SUPT3H: variants seen among roughly 807,000 people sequenced by gnomAD.
SUPT3H encodes transcription initiation protein SPT3 homolog.
In SUPT3H, 44 loss-of-function variants were observed where a neutral mutation model predicts 44.3. The ratio of observed to expected loss-of-function variants is 0.99; its 90% CI spans 0.78 to 1.28. SUPT3H has a LOEUF of 1.28. Ranked by LOEUF, SUPT3H falls within the 50% of genes most tolerant of loss-of-function variation. The pLI, the probability that SUPT3H is intolerant of heterozygous loss-of-function variation, is 0.00. For missense variants in SUPT3H, 380 were observed against 387.1 expected (o/e 0.98, Z 0.15); for synonymous variants, 124 against 125.6 (o/e 0.99, Z 0.09).
chr6:45,365,745 G>T (rs1197582390), intron 1 of SUPT3H, among the ~76,000 whole-genome samples: 1 of 150,266 alleles, frequency 6.7e-6, no homozygotes, highest in African/African-American at 2.5e-5. Flanking sequence ...ATATATGAAG[G>T]TTCCAAGTAA....
chr6:44,932,786 T>A, intron 9 of SUPT3H, 23 bp from the exon 10 acceptor site: 1 of 1,513,224 alleles, frequency 6.6e-7, no homozygotes, highest in Non-Finnish European at 9.0e-7. Context: ...AACACATAAA[T>A]TGTTACTAAA....
In SUPT3H at chr6:44,886,028, G is replaced by C. The variant is rs185782516; in HGVS notation, c.912+46625C>G. On this transcript the variant is annotated intron_variant, in intron 10 of 10. Coordinates refer to ENST00000371459, the MANE Select transcript of SUPT3H (RefSeq NM_003599.4). ...AGAAAGGGTATCAGTGATGGAAGAT[G>C]AAATGAATGAAATGAAGTGAGAAGG... Among the ~76,000 whole-genome samples, 1,075 of 152,242 alleles carry C rather than the reference G, an allele frequency of 7.1e-3. 23 individuals carry two copies. The highest frequency in any genetic ancestry group is 0.025 in the African/African-American group (1,020 of 41,534).
intron 2 of SUPT3H, among the ~76,000 whole-genome samples, chr6:45,306,273 T>C (rs1184675323): frequency 6.6e-6 from 1 of 152,214 alleles, no homozygotes; most frequent in Non-Finnish European, 1.5e-5. Context: ...ACAACTTCCC[T>C]GTTAGGAGTA....
chr6:44,984,375 G>A (rs1779493021), intron 6 of SUPT3H, among the ~76,000 whole-genome samples: 1 of 152,102 alleles, frequency 6.6e-6, no homozygotes, highest in African/African-American at 2.4e-5. Flanking sequence ...AGAGAGAAGT[G>A]GAGATCAGAA....
chr6:45,158,291 TATATATA>T lies in SUPT3H; in HGVS notation c.102-52292_102-52286del, dbSNP rs372462243. Among the ~76,000 whole-genome samples, 307 of 73,428 alleles carry T rather than the reference TATATATA, an allele frequency of 4.2e-3. 7 individuals are homozygous for T. Among genetic ancestry groups the T allele is most frequent in the South Asian group, 9.2e-3 (23 of 2,508 alleles). The allele number at this position is 73,428 out of a possible 152,430, so 48.2% of individuals were successfully genotyped here. A position where few individuals can be genotyped will look rare whatever the true frequency, so the allele number is the denominator to read the frequency against. ...ATAAATATACATATATATATATATA[TATATATA>T]TTTTTTTTTTTTTTTTTTTGAGATG... On this transcript the variant is annotated intron_variant, in intron 2 of 10. Transcript: ENST00000371459.
At chr6:45,311,066 T>A (rs1783870000) in intron 2 of SUPT3H, among the ~76,000 whole-genome samples, 1 of 152,172 alleles carries the variant, frequency 6.6e-6, no homozygotes, top group African/African-American at 2.4e-5. Context: ...TTCAACAAAA[T>A]AGATAGCATA....
intron 2 of SUPT3H, among the ~76,000 whole-genome samples, chr6:45,132,268 G>A (rs964330372): frequency 2.0e-5 from 3 of 152,298 alleles, no homozygotes; most frequent in Middle Eastern, 3.4e-3. Flanking sequence ...GAGAGAGGAA[G>A]TGTTGCTTTG....
At chr6:44,987,795 T>C (rs1780027194) in intron 6 of SUPT3H, among the ~76,000 whole-genome samples, 1 of 152,138 alleles carries the variant, frequency 6.6e-6, no homozygotes, top group South Asian at 2.1e-4. Flanking sequence ...CTCTTCCGAT[T>C]ACTTCTTTTT....
At chr6:45,072,372 C>T (rs1395134280) in intron 3 of SUPT3H, among the ~76,000 whole-genome samples, 1 of 152,114 alleles carries the variant, frequency 6.6e-6, no homozygotes, top group Non-Finnish European at 1.5e-5. Context: ...GGACCCTGAC[C>T]AGTGCCAGAC....
At chr6:45,108,802 C>A (rs1260639734) in intron 2 of SUPT3H, among the ~76,000 whole-genome samples, 1 of 151,752 alleles carries the variant, frequency 6.6e-6, no homozygotes, top group Non-Finnish European at 1.5e-5. Context: ...CACTTTCAGT[C>A]AATATAATAT....
At chr6:45,175,030 A>AAT (rs1180272332) in intron 2 of SUPT3H, among the ~76,000 whole-genome samples, 1 of 151,164 alleles carries the variant, frequency 6.6e-6, no homozygotes, top group African/African-American at 2.4e-5. Context: ...AAAAAAAAAA[A>AAT]AAAAAAAAAA....
At chr6:45,367,792 A>G (rs182663100) in intron 1 of SUPT3H, among the ~76,000 whole-genome samples, 1 of 152,316 alleles carries the variant, frequency 6.6e-6, no homozygotes, top group East Asian at 1.9e-4. Flanking sequence ...TTTCAAATCC[A>G]GTCACCAAAC....
At chr6:44,879,291 G>A (rs1020326563) in intron 10 of SUPT3H, among the ~76,000 whole-genome samples, 4 of 152,218 alleles carry the variant, frequency 2.6e-5, no homozygotes, top group Admixed American at 1.3e-4. Flanking sequence ...TCCCCTCACA[G>A]TGTAAGCAAA....
In SUPT3H at chr6:44,865,497, C is replaced by T. The variant is rs562643372; in HGVS notation, c.913-35640G>A. On this transcript the variant is annotated intron_variant, in intron 10 of 10. Transcript: ENST00000371459. ...GAGATTTAATGGACTCACAGTTCCA[C>T]GTGGCTGGGGAGGCCTCACAAGCAT... Among the ~76,000 whole-genome samples the T allele has an allele frequency of 3.9e-5, 6 of 152,294 alleles. No individual in the cohort carries two copies. In the South Asian group the frequency reaches 6.2e-4, roughly 16 times the overall value.
intron 2 of SUPT3H, among the ~76,000 whole-genome samples, chr6:45,321,223 G>A (rs1363142781): frequency 6.6e-6 from 1 of 151,976 alleles, no homozygotes; most frequent in Non-Finnish European, 1.5e-5. Flanking sequence ...TAAAATTGCT[G>A]TATAGCCCAA....
chr6:44,949,612 A>AG lies in SUPT3H; in HGVS notation c.801+3697_801+3698insC, dbSNP rs1464499885. On this transcript the variant is annotated intron_variant, in intron 9 of 10. Coordinates refer to ENST00000371459, the MANE Select transcript of SUPT3H (RefSeq NM_003599.4). Reference sequence around the variant, plus strand: ...AATAAAAGTCAGCCCCTTTGCCTGCAAAAAAAAAAAAAATGGGCAAAGGAT... The same window carrying AG: ...AATAAAAGTCAGCCCCTTTGCCTGCAGAAAAAAAAAAAAATGGGCAAAGGAT... Among the ~76,000 whole-genome samples the AG allele has an allele frequency of 7.6e-4, 7 of 9,260 alleles. No individual in the cohort carries two copies. In the Non-Finnish European group the frequency reaches 0.013, roughly 17 times the overall value. The allele number at this position is 9,260 out of a possible 152,430, so 6.1% of individuals were successfully genotyped here.
intron 10 of SUPT3H, among the ~76,000 whole-genome samples, chr6:44,902,548 T>A (rs1018935697): frequency 1.3e-5 from 2 of 152,092 alleles, no homozygotes; most frequent in East Asian, 1.9e-4. Flanking sequence ...CTCAGAGACC[T>A]ACAAAGAGAC....
chr6:45,046,073 A>G (rs1583233991), intron 3 of SUPT3H, among the ~76,000 whole-genome samples: 1 of 152,192 alleles, frequency 6.6e-6, no homozygotes, highest in Admixed American at 6.5e-5. Flanking sequence ...ACATTTTTCT[A>G]GAAGTTTAAT....
chr6:44,892,899 T>C (rs948417711), intron 10 of SUPT3H, among the ~76,000 whole-genome samples: 79 of 152,304 alleles, frequency 5.2e-4, no homozygotes, highest in African/African-American at 1.8e-3. Flanking sequence ...CTAAAATCTC[T>C]TTCAGAAATT....
Sources: gnomAD v4.1 joint callset for allele counts (sites outside exome capture counted in the v4.1 genomes callset) on GRCh38, gnomAD v4.1.1 for gene constraint, MANE v1.5 for transcripts, NCBI Gene and HGNC (gene_info 2026-07-23, HGNC 2026-07-21) for gene names.